CFAP20DC: variants seen among roughly 807,000 people sequenced by gnomAD.
CFAP20DC encodes CFAP20 domain containing.
Under a neutral mutation model 101.7 loss-of-function variants are expected in CFAP20DC, and 84 were observed. The observed-to-expected ratio is 0.83, with a 90% CI of 0.69 to 0.99. The LOEUF (loss-of-function observed/expected upper bound fraction) is 0.99, where lower values mean the gene tolerates loss of function less well. CFAP20DC is among the 50% of genes least tolerant of loss of function. The pLI is 0.00. For synonymous variants in CFAP20DC, 359 were observed against 351.2 expected (o/e 1.02, Z -0.25); for missense variants, 1,007 against 970.3 (o/e 1.04, Z -0.50).
chr3:58,922,622 T>TC (rs2085511409), intron 5 of CFAP20DC, among the ~76,000 whole-genome samples: 1 of 152,124 alleles, frequency 6.6e-6, no homozygotes, highest in Admixed American at 6.6e-5. Flanking sequence ...CTAGCTCCTC[T>TC]CCCCCTTCCA....
At chr3:59,019,812 A>G (rs1180034637) in intron 4 of CFAP20DC, among the ~76,000 whole-genome samples, 1 of 152,098 alleles carries the variant, frequency 6.6e-6, no homozygotes, top group Non-Finnish European at 1.5e-5. Flanking sequence ...GGGGATAGCT[A>G]AGGGTCTGCA....
chr3:58,877,106 TA>T, intron 7 of CFAP20DC, among the ~76,000 whole-genome samples: 1 of 152,332 alleles, frequency 6.6e-6, no homozygotes, highest in African/African-American at 2.4e-5. Flanking sequence ...TAATACCTAG[TA>T]AATATGCTAT....
intron 5 of CFAP20DC, among the ~76,000 whole-genome samples, chr3:58,936,383 A>G (rs1168100027): frequency 1.3e-5 from 2 of 152,216 alleles, no homozygotes; most frequent in Non-Finnish European, 2.9e-5. Flanking sequence ...TCAGGGATCT[A>G]GAACTAGAAA....
intron 4 of CFAP20DC, among the ~76,000 whole-genome samples, chr3:59,022,469 A>G (rs2093820331): frequency 6.6e-6 from 1 of 152,116 alleles, no homozygotes. Flanking sequence ...GAATTTGTAT[A>G]TTTATTTCAA....
chr3:58,716,290 T>C (rs530494776), downstream of CFAP20DC, among the ~76,000 whole-genome samples: 9 of 151,248 alleles, frequency 6.0e-5, no homozygotes, highest in Middle Eastern at 3.4e-3. Flanking sequence ...GCCTCCCGAG[T>C]AGCTGGGACT....
rs553090423 is a variant in CFAP20DC, at chr3:58,962,699, G to A, written c.279-24937C>T. ...TATGGGACAATTCAAAGCTCAGGCC[G>A]TGAACGAGCCTGGCCCAGCTTTTAC... On this transcript the variant is annotated intron_variant, in intron 4 of 16. Coordinates refer to ENST00000482387, the MANE Select transcript of CFAP20DC (RefSeq NM_001394063.1). Among the ~76,000 whole-genome samples, 12 of 152,230 alleles carry A rather than the reference G, an allele frequency of 7.9e-5. No individual in the cohort carries two copies. In the South Asian group the frequency reaches 1.7e-3, roughly 21 times the overall value.
chr3:58,967,778 G>A (rs1281900640), intron 4 of CFAP20DC, among the ~76,000 whole-genome samples: 2 of 152,084 alleles, frequency 1.3e-5, no homozygotes, highest in African/African-American at 4.8e-5. Flanking sequence ...CATGTCATGG[G>A]GGTTTGTTGT....
intron 5 of CFAP20DC, among the ~76,000 whole-genome samples, chr3:58,925,772 G>A (rs1045806048): frequency 6.6e-6 from 1 of 152,160 alleles, no homozygotes; most frequent in African/African-American, 2.4e-5. Flanking sequence ...CAACTGATTT[G>A]CTCAAGGGCC....
In CFAP20DC at chr3:58,962,336, C is replaced by T. The variant is rs547541087; in HGVS notation, c.279-24574G>A. 2.6e-5 allele frequency among the ~76,000 whole-genome samples: 4 copies of T among 152,136 alleles called. No homozygotes were observed. In the South Asian group the frequency reaches 8.3e-4, roughly 32 times the overall value. The stretch of plus-strand genomic sequence containing the variant: ...TGTGAGGATTTCCTCAATTTTTTAT[C>T]TCATGTTTATTTTTAATTTAATTCC... On this transcript the variant is annotated intron_variant, in intron 4 of 16. Coordinates refer to ENST00000482387, the MANE Select transcript of CFAP20DC (RefSeq NM_001394063.1).
At chr3:58,955,540 C>T (rs1332305236) in intron 4 of CFAP20DC, among the ~76,000 whole-genome samples, 1 of 152,128 alleles carries the variant, frequency 6.6e-6, no homozygotes, top group Admixed American at 6.5e-5. Context: ...AGAGGCAAAT[C>T]ACTGATCCCA....
At chr3:58,841,637 A>G (rs554363080) in intron 13 of CFAP20DC, among the ~76,000 whole-genome samples, 7 of 152,372 alleles carry the variant, frequency 4.6e-5, no homozygotes, top group Admixed American at 2.0e-4. Context: ...AATATATTCA[A>G]AAGTGTCTTT....
At chr3:59,011,504 AG>A (rs1199873949) in intron 4 of CFAP20DC, among the ~76,000 whole-genome samples, 1 of 149,482 alleles carries the variant, frequency 6.7e-6, no homozygotes, top group Non-Finnish European at 1.5e-5. Flanking sequence ...ACTCAGCAGA[AG>A]GAACTAGAAA....
rs2082525567 is a variant in CFAP20DC, at chr3:58,894,657, T to C, written c.551-9948A>G. On this transcript the variant is annotated intron_variant, in intron 6 of 16. Transcript: ENST00000482387. The surrounding 1 kb of genome is among the most constrained non-coding windows in gnomAD (Gnocchi z 4.1). ...TGCAAGCTGTCAGTGGATCTACCAT[T>C]CCGGGGTTTGGAGGATGGTGGCCCT... 1.3e-5 allele frequency among the ~76,000 whole-genome samples: 2 copies of C among 152,164 alleles called. No homozygotes were observed. The highest frequency in any genetic ancestry group is 4.8e-5 in the African/African-American group (2 of 41,446).
intron 15 of CFAP20DC, among the ~76,000 whole-genome samples, chr3:58,802,627 T>C (rs900484824): frequency 5.9e-5 from 9 of 152,220 alleles, no homozygotes; most frequent in African/African-American, 2.2e-4. Flanking sequence ...AAGTGAACCA[T>C]ATATATTTCA....
At chr3:58,973,013 T>C (rs1404262699) in intron 4 of CFAP20DC, among the ~76,000 whole-genome samples, 1 of 152,196 alleles carries the variant, frequency 6.6e-6, no homozygotes, top group East Asian at 1.9e-4. Context: ...TATTTGGGGA[T>C]GAATTAAAAT....
intron 4 of CFAP20DC, among the ~76,000 whole-genome samples, chr3:59,034,769 A>G (rs2094064730): frequency 6.6e-6 from 1 of 152,176 alleles, no homozygotes; most frequent in South Asian, 2.1e-4. Context: ...CCCACTGTCA[A>G]TATTAGACAG....
chr3:58,925,861 T>A (rs1426956495), intron 5 of CFAP20DC, among the ~76,000 whole-genome samples: 2 of 152,180 alleles, frequency 1.3e-5, no homozygotes, highest in African/African-American at 4.8e-5. Flanking sequence ...CTTAACAGCA[T>A]TCTGCCAATT....
intron 7 of CFAP20DC, among the ~76,000 whole-genome samples, chr3:58,871,791 G>A (rs1400934149): frequency 1.3e-5 from 2 of 152,164 alleles, no homozygotes; most frequent in African/African-American, 2.4e-5. Flanking sequence ...GCTTCCCAAA[G>A]TGTTGGGATT....
chr3:58,833,127 C>T (rs2076509172), intron 13 of CFAP20DC, among the ~76,000 whole-genome samples: 1 of 152,042 alleles, frequency 6.6e-6, no homozygotes, highest in African/African-American at 2.4e-5. Flanking sequence ...GTTCCTATGA[C>T]ATTAAATGCT....
Sources: allele counts gnomAD v4.1 joint callset (sites outside exome capture counted in the v4.1 genomes callset), GRCh38; gene constraint gnomAD v4.1.1; non-coding constraint Gnocchi (gnomAD v3.1); transcripts MANE v1.5; gene names NCBI Gene and HGNC (gene_info 2026-07-23, HGNC 2026-07-21).